The following NAF1 variants were observed in gnomAD, a reference collection of about 807,000 sequenced individuals.
The protein encoded by NAF1 is nuclear assembly factor 1 ribonucleoprotein.
NAF1 carries 11 observed loss-of-function variants against 40.6 expected under a neutral mutation model. The observed-to-expected ratio is 0.27, with a 90% CI of 0.17 to 0.45. NAF1 has a LOEUF of 0.45. Among genes scored for constraint, NAF1 ranks in the 20% least tolerant of loss-of-function variants. The probability of loss-of-function intolerance (pLI) is 1.00; values close to 1 mark genes in which losing one functional copy is unlikely to be tolerated. For missense variants in NAF1, 607 were observed against 611.1 expected (o/e 0.99, Z 0.07); for synonymous variants, 260 against 228.5 (o/e 1.14, Z -1.24).
intron 2 of NAF1, among the ~76,000 whole-genome samples, chr4:163,161,538 AAAG>A (rs1018930743): frequency 7.2e-5 from 11 of 152,150 alleles, no homozygotes; most frequent in Admixed American, 4.6e-4. Flanking sequence ...ACCAATAATG[AAAG>A]AATAAAATGC....
At position 163,121,508 on chromosome 4, in the gene NAF1, T is replaced by C. The variant is rs73864944; in HGVS notation, c.115-11218A>G. Among the ~76,000 whole-genome samples the C allele has an allele frequency of 4.8e-3, 731 of 152,306 alleles. 4 individuals are homozygous for C. Among genetic ancestry groups the C allele is most frequent in the African/African-American group, 0.017 (698 of 41,576 alleles). On this transcript the variant is annotated intron_variant, in intron 2 of 2. Coordinates refer to the NAF1 transcript ENST00000509434. Reference sequence around the variant, plus strand: ...CCTGAAAATGAATTCTTGTGAATAATACTGTTCTTTATTTTTTATATTTTC... The same window carrying C: ...CCTGAAAATGAATTCTTGTGAATAACACTGTTCTTTATTTTTTATATTTTC...
chr4:163,121,559 C>T (rs1310451721), intron 2 of NAF1, among the ~76,000 whole-genome samples: 1 of 152,138 alleles, frequency 6.6e-6, no homozygotes, highest in Non-Finnish European at 1.5e-5. Flanking sequence ...AAATTACCTA[C>T]TTTTTAAACA....
intron 6 of NAF1, 123 bp downstream of exon 6, chr4:163,137,076 A>G: frequency 9.8e-7 from 1 of 1,021,480 alleles, no homozygotes. Context: ...GCGCTAGGAC[A>G]GGATAAGGCA....
intron 2 of NAF1, among the ~76,000 whole-genome samples, chr4:163,114,100 G>A (rs544046559): frequency 1.3e-5 from 2 of 152,206 alleles, no homozygotes; most frequent in Non-Finnish European, 2.9e-5. Flanking sequence ...GGAAGAGAAT[G>A]GAGAAATAAC....
At chr4:163,121,070 T>C (rs1322549133) in intron 2 of NAF1, among the ~76,000 whole-genome samples, 1 of 152,112 alleles carries the variant, frequency 6.6e-6, no homozygotes, top group East Asian at 1.9e-4. Flanking sequence ...TTTTGTGTTT[T>C]AGTAGAGATG....
downstream of NAF1, among the ~76,000 whole-genome samples, chr4:163,127,484 A>G (rs928182265): frequency 2.6e-5 from 4 of 152,178 alleles, no homozygotes; most frequent in African/African-American, 4.8e-5. Flanking sequence ...ATGACTAATA[A>G]TAACATGTTA....
intron 4 of NAF1, 45 bp downstream of exon 4, chr4:163,145,737 A>G (rs753410736): frequency 3.9e-6 from 5 of 1,267,302 alleles, no homozygotes; most frequent in East Asian, 2.5e-5. Flanking sequence ...GAAAAAAACA[A>G]TAAATAAATA....
At chr4:163,146,082 T>C (rs965845820) in intron 3 of NAF1, among the ~76,000 whole-genome samples, 1 of 152,100 alleles carries the variant, frequency 6.6e-6, no homozygotes, top group African/African-American at 2.4e-5. Flanking sequence ...GCTATAATTC[T>C]AAGGGAAAAA....
intron 2 of NAF1, among the ~76,000 whole-genome samples, chr4:163,121,530 T>C (rs986343999): frequency 6.6e-6 from 1 of 152,198 alleles, no homozygotes; most frequent in Non-Finnish European, 1.5e-5. Context: ...TTTTTTATAT[T>C]TTCCAGCTTG....
intron 4 of NAF1, chr4:163,141,975 A>T: frequency 1.1e-6 from 1 of 948,682 alleles, no homozygotes; most frequent in Non-Finnish European, 1.3e-6. Flanking sequence ...CTCTAAAAAG[A>T]AGTAGTGACA....
At chr4:163,159,058 T>C (rs948256741) in intron 2 of NAF1, among the ~76,000 whole-genome samples, 2 of 152,112 alleles carry the variant, frequency 1.3e-5, no homozygotes, top group African/African-American at 2.4e-5. Context: ...AATTCACTTA[T>C]TAGAAACTAC....
intron 2 of NAF1, among the ~76,000 whole-genome samples, chr4:163,152,794 T>C (rs1731770698): frequency 6.6e-6 from 1 of 152,182 alleles, no homozygotes; most frequent in South Asian, 2.1e-4. Flanking sequence ...AGCCCCTTTC[T>C]GGGCAGGCCA....
At chr4:163,146,625 A>G (rs1158915189) in intron 3 of NAF1, among the ~76,000 whole-genome samples, 1 of 152,200 alleles carries the variant, frequency 6.6e-6, no homozygotes, top group East Asian at 1.9e-4. Context: ...AATTAATTCA[A>G]ACAATTTCTT....
intron 2 of NAF1, among the ~76,000 whole-genome samples, chr4:163,121,366 TAA>T (rs903301329): frequency 6.6e-6 from 1 of 151,268 alleles, no homozygotes; most frequent in Non-Finnish European, 1.5e-5. Context: ...AAATGAGAAG[TAA>T]AAAAAAACTT....
At chr4:163,119,675 T>G (rs1167745205) in intron 2 of NAF1, 1 of 152,180 alleles carries the variant, frequency 6.6e-6, no homozygotes, top group African/African-American at 2.4e-5. Flanking sequence ...GTGTGTTCTG[T>G]GGAATAATGG....
intron 2 of NAF1, among the ~76,000 whole-genome samples, chr4:163,153,273 C>T (rs998757270): frequency 3.3e-5 from 5 of 152,230 alleles, no homozygotes; most frequent in East Asian, 1.9e-4. Context: ...CCTGCAGCCC[C>T]GGTGCAGTGC....
downstream of NAF1, among the ~76,000 whole-genome samples, chr4:163,124,372 A>T (rs545791329): frequency 6.6e-6 from 1 of 152,244 alleles, no homozygotes; most frequent in South Asian, 2.1e-4. Flanking sequence ...AGCAAAATGG[A>T]TCTAAGCCAG....
At chr4:163,141,781 T>G in intron 4 of NAF1, 1 of 198,796 alleles carries the variant, frequency 5.0e-6, no homozygotes, top group Non-Finnish European at 9.0e-6. Context: ...TCTAAATAGC[T>G]TGGACCAATT....
intron 4 of NAF1, among the ~76,000 whole-genome samples, chr4:163,145,189 G>A (rs1358759834): frequency 6.6e-6 from 1 of 152,142 alleles, no homozygotes; most frequent in Admixed American, 6.5e-5. Context: ...TCTACATTAA[G>A]GTGGACATGC....
Sources: gnomAD v4.1 joint callset for allele counts (sites outside exome capture counted in the v4.1 genomes callset) on GRCh38, gnomAD v4.1.1 for gene constraint, MANE v1.5 for transcripts, NCBI Gene and HGNC (gene_info 2026-07-23, HGNC 2026-07-21) for gene names.